GALNT5: variants seen among roughly 807,000 people sequenced by gnomAD.
GALNT5 encodes polypeptide N-acetylgalactosaminyltransferase 5, also known as UDP-GalNAc:polypeptide N-acetylgalactosaminyltransferase 5.
In GALNT5, 72 loss-of-function variants were observed where a neutral mutation model predicts 85.4. That is an observed-to-expected ratio of 0.84 (90% CI 0.70 to 1.03). The LOEUF (loss-of-function observed/expected upper bound fraction) is 1.03, where lower values mean the gene tolerates loss of function less well. GALNT5 is among the 50% of genes least tolerant of loss of function. The probability of loss-of-function intolerance (pLI) is 0.00; values close to 1 mark genes in which losing one functional copy is unlikely to be tolerated. For missense variants in GALNT5, 1,137 were observed against 1,135.5 expected (o/e 1.00, Z -0.02); for synonymous variants, 404 against 397.0 (o/e 1.02, Z -0.21).
chr2:157,263,123 G>A (rs144015957), intron 1 of GALNT5, among the ~76,000 whole-genome samples: 3 of 151,674 alleles, frequency 2.0e-5, no homozygotes, highest in East Asian at 1.9e-4. Flanking sequence ...CACCGCATCC[G>A]GCCCACACCT....
intron 1 of GALNT5, among the ~76,000 whole-genome samples, chr2:157,262,403 A>G (rs981580338): frequency 6.6e-6 from 1 of 152,112 alleles, no homozygotes; most frequent in East Asian, 1.9e-4. Flanking sequence ...TTGGGAGGAC[A>G]TGGTTAGAGG....
chr2:157,258,182 C>T lies in GALNT5; in HGVS notation c.100C>T (p.Arg34Cys), dbSNP rs201125505. 73 of 1,612,556 alleles carry T rather than the reference C, an allele frequency of 4.5e-5. No individual in the cohort carries two copies. Among genetic ancestry groups the T allele is most frequent in the East Asian group, 3.4e-4 (15 of 44,726 alleles). Residue 34 changes from arginine to cysteine, a missense_variant, in exon 1 of 10, where the codon CGC becomes TGC. By Grantham distance (180) the Arg-to-Cys change is radical. Transcript: ENST00000259056. ...GCTCCTCTTTGACATGGCAGCTCTCCGCCTCTCATTCAGTGAGATCAACAC... is the reference window on the plus strand; with the variant it reads ...GCTCCTCTTTGACATGGCAGCTCTCTGCCTCTCATTCAGTGAGATCAACAC... ...IWLLFDMAAL[R>C]LSFSEINTRV... is the part of the protein sequence containing the mutation.
intron 1 of GALNT5, 133 bp downstream of exon 1, chr2:157,259,669 C>A: frequency 1.6e-6 from 1 of 609,952 alleles, no homozygotes; most frequent in Non-Finnish European, 2.5e-6. Flanking sequence ...CATTGGATAT[C>A]ATTCAAATAT....
intron 8 of GALNT5, 103 bp from the exon 9 acceptor site, chr2:157,308,464 A>G: frequency 1.3e-6 from 1 of 778,552 alleles, no homozygotes; most frequent in Middle Eastern, 3.9e-4. Context: ...AAAATGTCAG[A>G]TCATAGTTCC....
Position 157,258,705 on chromosome 2 carries a change from C to G in GALNT5, c.623C>G (p.Ser208Ter). Residue 208 changes from serine (S) to a stop codon, truncating the protein, a stop_gained, in exon 1 of 10, where the codon TCA becomes TGA. Coordinates refer to ENST00000259056, the MANE Select transcript of GALNT5 (RefSeq NM_014568.3). LOFTEE classifies it high-confidence loss of function. Reference sequence around the variant, plus strand: ...AGTCATAGTCCCAGCAGTGACACATCAAAACTAGCAGCTGAAAGGGACTTG... The same window carrying G: ...AGTCATAGTCCCAGCAGTGACACATGAAAACTAGCAGCTGAAAGGGACTTG... ...RKSHSPSSDT[S>*]KLAAERDLNV... 6.2e-7 allele frequency: 1 copy of G among 1,613,898 alleles called. No homozygotes were observed. Among genetic ancestry groups the G allele is most frequent in the East Asian group, 2.2e-5 (1 of 44,850 alleles).
intron 3 of GALNT5, among the ~76,000 whole-genome samples, chr2:157,291,236 C>A (rs535662393): frequency 6.6e-6 from 1 of 152,324 alleles, no homozygotes; most frequent in East Asian, 1.9e-4. Flanking sequence ...ATTAGGTTTT[C>A]ATTTCCTTCA....
In GALNT5 at chr2:157,314,225, A is replaced by T. The variant is rs1169926039; in HGVS notation, c.*2877A>T. On this transcript the variant is annotated 3_prime_UTR_variant, in exon 10 of 10. Coordinates refer to ENST00000259056, the MANE Select transcript of GALNT5 (RefSeq NM_014568.3). ...TGCCTTTACTTTAAAAAAAAAAAAA[A>T]AAAGTCTATGCATCTTGTTACCTTG... 6.6e-6 allele frequency: 1 copy of T among 152,078 alleles called. No individual in the cohort carries two copies. Among genetic ancestry groups the T allele is most frequent in the Non-Finnish European group, 1.5e-5 (1 of 68,022 alleles). 9.4% of individuals were successfully genotyped at this position (152,078 alleles called of 1,614,324 possible).
At chr2:157,267,847 A>G (rs920736424) in intron 1 of GALNT5, among the ~76,000 whole-genome samples, 6 of 152,216 alleles carry the variant, frequency 3.9e-5, no homozygotes, top group African/African-American at 1.4e-4. Flanking sequence ...TTTTGACTGA[A>G]TGTCATGGAT....
At chr2:157,303,784 C>T (rs1225819251) in intron 7 of GALNT5, among the ~76,000 whole-genome samples, 2 of 152,136 alleles carry the variant, frequency 1.3e-5, no homozygotes, top group Non-Finnish European at 2.9e-5. Flanking sequence ...TTTTATCTTT[C>T]CTTCCAATGC....
intron 2 of GALNT5, among the ~76,000 whole-genome samples, chr2:157,285,637 G>A (rs922039021): frequency 5.9e-5 from 9 of 152,110 alleles, no homozygotes; most frequent in African/African-American, 1.9e-4. Context: ...CTCTTCCTTG[G>A]GTCATGGAAG....
rs1409873579 is a variant in GALNT5 at position 157,286,123 on chromosome 2, A to G, written c.1730A>G (p.Gln577Arg). The G allele has an allele frequency of 5.0e-6, 8 of 1,613,254 alleles. No individual in the cohort carries two copies. In the Admixed American group the frequency reaches 1.3e-4, roughly 27 times the overall value. ...GLIRARLAGAQNATGDVLTFL... is the reference protein window; with the variant it reads ...GLIRARLAGARNATGDVLTFL... ...ATAAGGGCCAGGCTGGCAGGAGCACAGAATGCAACAGGTAAGAAGTTACTC... is the reference window on the plus strand; with the variant it reads ...ATAAGGGCCAGGCTGGCAGGAGCACGGAATGCAACAGGTAAGAAGTTACTC... The change falls in exon 3 of 10, where the codon CAG (glutamine) becomes CGG (arginine). Residue 577 changes from glutamine (Q) to arginine (R), a missense_variant. Coordinates refer to ENST00000259056, the MANE Select transcript of GALNT5 (RefSeq NM_014568.3).
intron 6 of GALNT5, 96 bp from the exon 7 acceptor site, chr2:157,300,580 G>A: frequency 1.1e-6 from 1 of 925,358 alleles, no homozygotes; most frequent in Admixed American, 2.0e-5. Flanking sequence ...TATTACTTCA[G>A]GTAGGGGGAA....
chr2:157,308,541 G>A, intron 8 of GALNT5, 26 bp from the exon 9 acceptor site: 2 of 1,580,430 alleles, frequency 1.3e-6, no homozygotes, highest in Non-Finnish European at 1.7e-6. Flanking sequence ...TGCCTGAAGT[G>A]ACCTCTTTAT....
At chr2:157,300,570 T>C (rs1574032379) in intron 6 of GALNT5, 106 bp from the exon 7 acceptor site, 1 of 815,910 alleles carries the variant, frequency 1.2e-6, no homozygotes, top group East Asian at 2.5e-5. Context: ...TGAAGTTGAG[T>C]ATTACTTCAG....
chr2:157,306,906 A>G (rs1683465844), intron 8 of GALNT5, among the ~76,000 whole-genome samples: 1 of 152,242 alleles, frequency 6.6e-6, no homozygotes, highest in South Asian at 2.1e-4. Context: ...ACTCATTAAA[A>G]GAAATAAATT....
Position 157,259,026 on chromosome 2 carries a change from T to C in GALNT5, c.944T>C (p.Leu315Pro). The C allele has an allele frequency of 6.8e-7, 1 of 1,472,960 alleles. No individual in the cohort carries two copies. Among genetic ancestry groups the C allele is most frequent in the Non-Finnish European group, 9.0e-7 (1 of 1,109,894 alleles). 91.2% of individuals were successfully genotyped at this position (1,472,960 alleles called of 1,614,324 possible). A position where few individuals can be genotyped will look rare whatever the true frequency, so the allele number is the denominator to read the frequency against. ...DGARGAHGKK[L>P]NFSESHLVII... Reference sequence around the variant, plus strand: ...GCTAGAGGGGCTCATGGGAAGAAACTCAATTTCTCTGAAAGCCATCTTGTG... The same window carrying C: ...GCTAGAGGGGCTCATGGGAAGAAACCCAATTTCTCTGAAAGCCATCTTGTG... Residue 315 changes from leucine to proline, a missense_variant, in exon 1 of 10, where the codon CTC becomes CCC. By Grantham distance (98) the Leu-to-Pro change is moderately conservative. Transcript: ENST00000259056.
At position 157,311,216 on chromosome 2, in the gene GALNT5, C is replaced by A. The variant is rs1165538850; in HGVS notation, c.2691C>A (p.His897Gln). The change falls in exon 10 of 10, where the codon CAC becomes CAA. Residue 897 changes from histidine (H) to glutamine (Q), a missense_variant. His to Gln is a conservative substitution (Grantham distance 24, BLOSUM62 0). Transcript: ENST00000259056. ...TSVFHPELVN[H>Q]IVFENNQQLL... ...CTCTTCTTTCTCTCCAGGTGAATCACATTGTTTTTGAAAACAATCAGCAAT... is the reference window on the plus strand; with the variant it reads ...CTCTTCTTTCTCTCCAGGTGAATCAAATTGTTTTTGAAAACAATCAGCAAT... The A allele has an allele frequency of 6.2e-7, 1 of 1,609,356 alleles. No individual in the cohort carries two copies. The highest frequency in any genetic ancestry group is 2.2e-5 in the East Asian group (1 of 44,682).
Position 157,287,746 on chromosome 2 carries a change from T to A in GALNT5, c.1741+1612T>A, listed in dbSNP as rs139481230. On this transcript the variant is annotated intron_variant, in intron 3 of 9. Coordinates refer to ENST00000259056, the MANE Select transcript of GALNT5 (RefSeq NM_014568.3). Reference sequence around the variant, plus strand: ...TGTTGGTGAGTGAATGAGAAGTGAATCTATTTTATGAGTATTCTAAAAACA... The same window carrying A: ...TGTTGGTGAGTGAATGAGAAGTGAAACTATTTTATGAGTATTCTAAAAACA... Among the ~76,000 whole-genome samples, 55 of 152,332 alleles carry A rather than the reference T, an allele frequency of 3.6e-4. No individual in the cohort carries two copies. The East Asian group carries it at 7.1e-3, about 20-fold the overall frequency.
intron 1 of GALNT5, among the ~76,000 whole-genome samples, chr2:157,277,282 G>A (rs781773452): frequency 5.5e-4 from 83 of 152,106 alleles, no homozygotes; most frequent in Non-Finnish European, 1.0e-3. Context: ...GTGGTGCTAA[G>A]AAGAATATAT....
Sources: gnomAD v4.1 joint callset for allele counts (sites outside exome capture counted in the v4.1 genomes callset) on GRCh38, gnomAD v4.1.1 for gene constraint, MANE v1.5 for transcripts, NCBI Gene and HGNC (gene_info 2026-07-23, HGNC 2026-07-21) for gene names.